Variants in KCNIP4 observed in about 807,000 individuals in gnomAD.
The protein encoded by KCNIP4 is potassium voltage-gated channel interacting protein 4, also known as Kv channel-interacting protein 4.
A neutral mutation model predicts 34.0 loss-of-function variants in KCNIP4; 12 were observed. That is an observed-to-expected ratio of 0.35 (90% CI 0.23 to 0.57). KCNIP4 has a LOEUF of 0.57. Ranked by LOEUF, KCNIP4 falls within the 20% of genes least tolerant of loss-of-function variation. KCNIP4 has a pLI of 0.83. For synonymous variants in KCNIP4, 124 were observed against 102.2 expected (o/e 1.21, Z -1.29); for missense variants, 238 against 311.7 (o/e 0.76, Z 1.78).
chr4:21,210,245 C>A (rs137870477), intron 1 of KCNIP4, among the ~76,000 whole-genome samples: 1 of 152,206 alleles, frequency 6.6e-6, no homozygotes, highest in African/African-American at 2.4e-5. Flanking sequence ...CTTTATTTTT[C>A]TTTTACTATA....
intron 1 of KCNIP4, among the ~76,000 whole-genome samples, chr4:21,494,547 G>A (rs1293728410): frequency 6.6e-6 from 1 of 151,968 alleles, no homozygotes; most frequent in Admixed American, 6.6e-5. Flanking sequence ...GGCTGAGGTG[G>A]GCGGACCATG....
At chr4:20,947,879 G>T (rs891121393) in intron 1 of KCNIP4, among the ~76,000 whole-genome samples, 1 of 152,168 alleles carries the variant, frequency 6.6e-6, no homozygotes, top group Non-Finnish European at 1.5e-5. Context: ...GACCAGCTTG[G>T]TGGGAAATGT....
intron 1 of KCNIP4, among the ~76,000 whole-genome samples, chr4:21,493,798 C>A (rs1183344591): frequency 6.6e-6 from 1 of 152,154 alleles, no homozygotes; most frequent in Admixed American, 6.5e-5. Flanking sequence ...AAATTCCATT[C>A]CACAAAGACA....
intron 1 of KCNIP4, among the ~76,000 whole-genome samples, chr4:21,456,830 A>G (rs1232680092): frequency 6.6e-6 from 1 of 152,090 alleles, no homozygotes; most frequent in Non-Finnish European, 1.5e-5. Context: ...AGAATGAATT[A>G]TAGATTAGGG....
intron 2 of KCNIP4, among the ~76,000 whole-genome samples, chr4:20,861,365 G>A (rs971349688): frequency 1.3e-5 from 2 of 152,146 alleles, no homozygotes; most frequent in Non-Finnish European, 2.9e-5. Flanking sequence ...CACATGGAGA[G>A]TATAGAAGCA....
chr4:21,591,590 G>C (rs1283538695), intron 1 of KCNIP4, among the ~76,000 whole-genome samples: 1 of 151,816 alleles, frequency 6.6e-6, no homozygotes, highest in Non-Finnish European at 1.5e-5. Context: ...TTCTAGATTT[G>C]CCTAGAATGT....
At chr4:21,942,652 G>A (rs997533680) in intron 1 of KCNIP4, among the ~76,000 whole-genome samples, 1 of 152,218 alleles carries the variant, frequency 6.6e-6, no homozygotes, top group Non-Finnish European at 1.5e-5. Context: ...GGCTTAACAT[G>A]CAATCAAATG....
intron 1 of KCNIP4, among the ~76,000 whole-genome samples, chr4:20,966,872 T>A (rs917027268): frequency 4.6e-5 from 7 of 152,158 alleles, no homozygotes; most frequent in Non-Finnish European, 5.9e-5. Flanking sequence ...GTGGCTTGTC[T>A]CAAAATTATT....
At chr4:20,772,958 T>C (rs1414850891) in intron 3 of KCNIP4, among the ~76,000 whole-genome samples, 1 of 151,942 alleles carries the variant, frequency 6.6e-6, no homozygotes, top group Non-Finnish European at 1.5e-5. Flanking sequence ...ATTGCCATTC[T>C]GAGAAAATAC....
chr4:20,925,544 A>G (rs1409157601), intron 1 of KCNIP4, among the ~76,000 whole-genome samples: 1 of 152,140 alleles, frequency 6.6e-6, no homozygotes, highest in Non-Finnish European at 1.5e-5. Context: ...TAACCATAAA[A>G]ATGGGAAACC....
At chr4:20,730,720 C>T (rs557424120) in intron 8 of KCNIP4, among the ~76,000 whole-genome samples, 1 of 152,260 alleles carries the variant, frequency 6.6e-6, no homozygotes, top group Non-Finnish European at 1.5e-5. Flanking sequence ...AATTGGGGAG[C>T]AGAAACCACT....
At chr4:21,342,524 C>G (rs1327439866) in intron 1 of KCNIP4, among the ~76,000 whole-genome samples, 1 of 152,108 alleles carries the variant, frequency 6.6e-6, no homozygotes, top group African/African-American at 2.4e-5. Flanking sequence ...GGAGTTAGAA[C>G]ACACTTCCTC....
intron 1 of KCNIP4, among the ~76,000 whole-genome samples, chr4:21,572,018 C>T (rs1000213106): frequency 6.6e-6 from 1 of 152,006 alleles, no homozygotes; most frequent in African/African-American, 2.4e-5. Flanking sequence ...ATATTATAGA[C>T]CTAGCAAATA....
At chr4:21,591,287 A>G (rs1334103321) in intron 1 of KCNIP4, among the ~76,000 whole-genome samples, 3 of 152,084 alleles carry the variant, frequency 2.0e-5, no homozygotes, top group African/African-American at 4.8e-5. Flanking sequence ...TGGCCTATTC[A>G]CAACAATTTT....
In KCNIP4 at chr4:20,793,765, A is replaced by T. The variant is rs1467742885; in HGVS notation, c.289-34875T>A. Among the ~76,000 whole-genome samples, 5 of 152,064 alleles carry T rather than the reference A, an allele frequency of 3.3e-5. No individual in the cohort carries two copies. In the East Asian group the frequency reaches 9.6e-4, roughly 29 times the overall value. Reference sequence around the variant, plus strand: ...GGAGCCCTGAGCTTGTTTTCCTGCAACTAGATGATCCCATCTGAGGGTGAT... The same window carrying T: ...GGAGCCCTGAGCTTGTTTTCCTGCATCTAGATGATCCCATCTGAGGGTGAT... On this transcript the variant is annotated intron_variant, in intron 3 of 8. Coordinates refer to ENST00000382152, the MANE Select transcript of KCNIP4 (RefSeq NM_025221.6).
At chr4:21,072,906 C>G (rs1360601714) in intron 1 of KCNIP4, among the ~76,000 whole-genome samples, 1 of 152,136 alleles carries the variant, frequency 6.6e-6, no homozygotes. Flanking sequence ...ATAGGGAATC[C>G]TTTCCCCATT....
intron 1 of KCNIP4, among the ~76,000 whole-genome samples, chr4:21,692,921 G>C (rs1348922148): frequency 6.8e-6 from 1 of 147,170 alleles, no homozygotes; most frequent in African/African-American, 2.5e-5. Flanking sequence ...CTTTGTGTGA[G>C]ATGTGTCTGC....
At chr4:21,141,186 A>G (rs952578637) in intron 1 of KCNIP4, among the ~76,000 whole-genome samples, 1 of 152,234 alleles carries the variant, frequency 6.6e-6, no homozygotes, top group African/African-American at 2.4e-5. Context: ...CTTTAATACT[A>G]AAAAATGGTG....
At chr4:21,379,727 C>T (rs1382752555) in intron 1 of KCNIP4, among the ~76,000 whole-genome samples, 1 of 152,148 alleles carries the variant, frequency 6.6e-6, no homozygotes, top group African/African-American at 2.4e-5. Context: ...GAAACAGTTC[C>T]TGTATTAGCC....
Sources: gnomAD v4.1 joint callset for allele counts (sites outside exome capture counted in the v4.1 genomes callset) on GRCh38, gnomAD v4.1.1 for gene constraint, MANE v1.5 for transcripts, NCBI Gene and HGNC (gene_info 2026-07-23, HGNC 2026-07-21) for gene names.